Variants in DENND4A observed in about 807,000 individuals in gnomAD.
DENND4A encodes the protein C-myc promoter-binding protein.
A neutral mutation model predicts 199.3 loss-of-function variants in DENND4A; 70 were observed. The ratio of observed to expected loss-of-function variants is 0.35; its 90% CI spans 0.29 to 0.43. The LOEUF is 0.43. Ranked by LOEUF, DENND4A falls within the 20% of genes least tolerant of loss-of-function variation. The probability of loss-of-function intolerance (pLI) is 1.00; values close to 1 mark genes in which losing one functional copy is unlikely to be tolerated. For missense variants in DENND4A, 1,723 were observed against 2,255.8 expected, an observed-to-expected ratio of 0.76 and a Z score of 4.78; for synonymous variants, 686 against 766.9, an observed-to-expected ratio of 0.89 and a Z score of 1.74.
intron 28 of DENND4A, 65 bp downstream of exon 28, chr15:65,667,855 TAAGAC>T: frequency 1.3e-6 from 2 of 1,540,452 alleles, no homozygotes; most frequent in Non-Finnish European, 1.7e-6. Flanking sequence ...TAAGACTACT[TAAGAC>T]AAGGGGAACA....
intron 28 of DENND4A, 104 bp from the exon 29 acceptor site, chr15:65,667,807 A>G (rs1056843759): frequency 4.0e-6 from 6 of 1,486,012 alleles, no homozygotes; most frequent in Non-Finnish European, 4.5e-6. Flanking sequence ...TAATTGTATC[A>G]TGGGATAAGA....
At chr15:65,715,992 T>C (rs2140259711) in intron 13 of DENND4A, among the ~76,000 whole-genome samples, 1 of 152,142 alleles carries the variant, frequency 6.6e-6, no homozygotes, top group South Asian at 2.1e-4. Flanking sequence ...TAAATGGCTT[T>C]CTCAAAGCAG....
rs762975076 is a variant in DENND4A, at chr15:65,715,538, T to C, written c.1893A>G (p.Glu631=). The C allele has an allele frequency of 3.1e-6, 5 of 1,611,454 alleles. No homozygotes were observed. Among genetic ancestry groups the C allele is most frequent in the African/African-American group, 2.7e-5 (2 of 74,860 alleles). Reference sequence around the variant, plus strand: ...CATCTTTGTCACTAACAAAAGAACATTCTTCAATGAAGCGAATAAACATTT... The same window carrying C: ...CATCTTTGTCACTAACAAAAGAACACTCTTCAATGAAGCGAATAAACATTT... ...KTQMFIRFIE[E]CSFVSDKDAS... The change falls in exon 14 of 33, where the codon GAA becomes GAG. Residue 631 remains glutamate, a synonymous_variant. Coordinates refer to ENST00000443035, the MANE Select transcript of DENND4A (RefSeq NM_001320835.1).
At chr15:65,776,271 G>A (rs895660979) in intron 1 of DENND4A, among the ~76,000 whole-genome samples, 16 of 152,176 alleles carry the variant, frequency 1.1e-4, no homozygotes, top group Admixed American at 8.5e-4. Flanking sequence ...TGTATTAATG[G>A]TATTAATATT....
intron 23 of DENND4A, among the ~76,000 whole-genome samples, chr15:65,689,322 T>A (rs2076895171): frequency 6.6e-6 from 1 of 152,238 alleles, no homozygotes; most frequent in Admixed American, 6.5e-5. Context: ...CTCTTTCCGT[T>A]ATCTGCTTTC....
chr15:65,690,972 C>G lies in DENND4A; in HGVS notation c.3622G>C (p.Ala1208Pro), dbSNP rs369632706. ...SVKPFEKTDV[A>P]TGFDPLSLLV... ...AGAGAGAGGGGATCAAATCCTGTTG[C>G]GACATCAGTTTTTTCAAAAGGTTTT... The change falls in exon 23 of 33, where the codon GCA becomes CCA. Residue 1208 changes from alanine to proline, a missense_variant. By Grantham distance (27) the Ala-to-Pro change is conservative. Coordinates refer to ENST00000443035, the MANE Select transcript of DENND4A (RefSeq NM_001320835.1). 6.2e-7 allele frequency: 1 copy of G among 1,603,352 alleles called. No homozygotes were observed. Among genetic ancestry groups the G allele is most frequent in the Non-Finnish European group, 8.5e-7 (1 of 1,174,450 alleles).
chr15:65,718,170 T>C (rs915354976), intron 12 of DENND4A, among the ~76,000 whole-genome samples, 174 bp from the exon 13 acceptor site: 2 of 152,136 alleles, frequency 1.3e-5, no homozygotes, highest in African/African-American at 4.8e-5. Context: ...GTAGTCTCCG[T>C]TGAGTAAATT....
intron 23 of DENND4A, among the ~76,000 whole-genome samples, chr15:65,684,858 CTT>C (rs1385242774): frequency 3.1e-5 from 3 of 98,206 alleles, no homozygotes; most frequent in Admixed American, 1.4e-4. Context: ...GAGTTTTGCT[CTT>C]GTTGCTGAAG....
intron 23 of DENND4A, 99 bp downstream of exon 23, chr15:65,690,316 A>G (rs908640511): frequency 1.6e-6 from 2 of 1,277,792 alleles, no homozygotes; most frequent in Admixed American, 3.1e-5. Context: ...CTTTTTATAA[A>G]GCTATGTTTA....
intron 14 of DENND4A, among the ~76,000 whole-genome samples, chr15:65,709,896 C>T (rs1463613737): frequency 1.3e-5 from 2 of 151,344 alleles, no homozygotes; most frequent in Admixed American, 1.3e-4. Flanking sequence ...TATAAGTGAT[C>T]TTTTGTTGGA....
chr15:65,775,637 CAAAAAAAA>C (rs59714693), intron 1 of DENND4A, among the ~76,000 whole-genome samples: 5 of 27,684 alleles, frequency 1.8e-4, no homozygotes, highest in African/African-American at 2.6e-4. Flanking sequence ...CAAGACTCCT[CAAAAAAAA>C]AAAAAAAAAA....
At chr15:65,748,039 C>CA (rs34813076) in intron 4 of DENND4A, among the ~76,000 whole-genome samples, 2,857 of 53,168 alleles carry the variant, frequency 0.054, 10 homozygotes, top group Non-Finnish European at 0.066. Flanking sequence ...TACTCCGTCT[C>CA]AAAAAAAAAA....
At position 65,700,532 on chromosome 15, in the gene DENND4A, G is replaced by A. The variant is rs928973790; in HGVS notation, c.2833+12C>T. The A allele has an allele frequency of 7.0e-7, 1 of 1,437,336 alleles. No individual in the cohort carries two copies. The highest frequency in any genetic ancestry group is 9.2e-7 in the Non-Finnish European group (1 of 1,088,104). The allele number at this position is 1,437,336 out of a possible 1,614,324, so 89.0% of individuals were successfully genotyped here. The stretch of plus-strand genomic sequence containing the variant: ...TGTACTATAATAAATGTATACATAA[G>A]CATACACAAACCTGTACTAGATCTA... On this transcript the variant is annotated intron_variant, in intron 20 of 32. Coordinates refer to ENST00000443035, the MANE Select transcript of DENND4A (RefSeq NM_001320835.1).
chr15:65,707,995 T>C (rs2075120119), intron 14 of DENND4A, among the ~76,000 whole-genome samples: 1 of 152,136 alleles, frequency 6.6e-6, no homozygotes, highest in African/African-American at 2.4e-5. Flanking sequence ...CTATATATTA[T>C]GATTCTTAAT....
At chr15:65,708,833 G>C (rs748040511) in intron 14 of DENND4A, among the ~76,000 whole-genome samples, 2 of 152,070 alleles carry the variant, frequency 1.3e-5, no homozygotes, top group African/African-American at 2.4e-5. Context: ...CAGATTGTAA[G>C]GATTTAAAAT....
chr15:65,756,339 C>G lies in DENND4A; in HGVS notation c.112G>C (p.Val38Leu). Reference protein sequence around the residue: ...EIHFNDACHKVAKPKEPITDV... With the variant: ...EIHFNDACHKLAKPKEPITDV... ...GTAATAGGTTCTTTTGGTTTAGCTACTTTATGACAAGCATCATTGAAGTGA... is the reference window on the plus strand; with the variant it reads ...GTAATAGGTTCTTTTGGTTTAGCTAGTTTATGACAAGCATCATTGAAGTGA... The change falls in exon 3 of 33, where the codon GTA becomes CTA. Residue 38 changes from valine (V) to leucine (L), a missense_variant. Coordinates refer to ENST00000443035, the MANE Select transcript of DENND4A (RefSeq NM_001320835.1). 2 of 1,613,880 alleles carry G rather than the reference C, an allele frequency of 1.2e-6. No individual in the cohort carries two copies. The highest frequency in any genetic ancestry group is 1.7e-6 in the Non-Finnish European group (2 of 1,179,826).
intron 5 of DENND4A, among the ~76,000 whole-genome samples, chr15:65,740,146 A>C (rs932427953): frequency 2.6e-5 from 4 of 151,958 alleles, no homozygotes; most frequent in African/African-American, 7.3e-5. Flanking sequence ...GTGCCACTGC[A>C]CTCCAGCCTT....
chr15:65,735,713 T>C (rs1041809468), intron 7 of DENND4A, among the ~76,000 whole-genome samples: 1 of 152,228 alleles, frequency 6.6e-6, no homozygotes, highest in Non-Finnish European at 1.5e-5. Context: ...ACAATGGTTG[T>C]CTTGATTTTG....
At chr15:65,787,093 T>G (rs2077585200) in intron 1 of DENND4A, among the ~76,000 whole-genome samples, 1 of 152,140 alleles carries the variant, frequency 6.6e-6, no homozygotes, top group African/African-American at 2.4e-5. Context: ...TATATGTGGG[T>G]ATGTGGGTGT....
Sources: allele counts gnomAD v4.1 joint callset (sites outside exome capture counted in the v4.1 genomes callset), GRCh38; gene constraint gnomAD v4.1.1; transcripts MANE v1.5; gene names NCBI Gene and HGNC (gene_info 2026-07-23, HGNC 2026-07-21).